The following USP53 variants were observed in gnomAD, a reference collection of about 807,000 sequenced individuals.
USP53 encodes ubiquitin carboxyl-terminal hydrolase 53.
USP53 carries 71 observed loss-of-function variants against 94.9 expected under a neutral mutation model. That is an observed-to-expected ratio of 0.75 (90% CI 0.62 to 0.91). The LOEUF (loss-of-function observed/expected upper bound fraction) is 0.91. Ranked by LOEUF, USP53 falls within the 40% of genes least tolerant of loss-of-function variation. The pLI, the probability that USP53 is intolerant of heterozygous loss-of-function variation, is 0.00. For synonymous variants in USP53, 375 were observed against 422.7 expected, an observed-to-expected ratio of 0.89 and a Z score of 1.39; for missense variants, 1,173 against 1,281.0, an observed-to-expected ratio of 0.92 and a Z score of 1.29.
chr4:119,277,695 T>C (rs1752838820), intron 17 of USP53, among the ~76,000 whole-genome samples: 1 of 147,758 alleles, frequency 6.8e-6, no homozygotes, highest in African/African-American at 2.5e-5. Context: ...ATGTTGACAG[T>C]GGGGGGTTAA....
chr4:119,236,805 T>C (rs1475217163), intron 4 of USP53, among the ~76,000 whole-genome samples: 2 of 152,178 alleles, frequency 1.3e-5, no homozygotes, highest in Non-Finnish European at 1.5e-5. Context: ...TTCATAAGTG[T>C]TGGAATCATT....
Position 119,212,840 on chromosome 4 carries a change from G to A in USP53, c.-975G>A, listed in dbSNP as rs956558805. 4.4e-6 allele frequency: 1 copy of A among 229,086 alleles called. No homozygotes were observed. Among genetic ancestry groups the A allele is most frequent in the Non-Finnish European group, 9.2e-6 (1 of 108,916 alleles). 14.2% of individuals were successfully genotyped at this position (229,086 alleles called of 1,614,324 possible). A position where few individuals can be genotyped will look rare whatever the true frequency, so the allele number is the denominator to read the frequency against. On this transcript the variant is annotated 5_prime_UTR_variant, in exon 1 of 19. Transcript: ENST00000692078. ...AGGCCTGTATTTCTCTACCTGGACC[G>A]CACGCTCCTCGCGCAAGGAGGGTAG... is the stretch of plus-strand genomic sequence containing the variant.
chr4:119,241,760 A>G (rs1379390008), intron 5 of USP53, among the ~76,000 whole-genome samples: 2 of 152,100 alleles, frequency 1.3e-5, no homozygotes, highest in Admixed American at 6.6e-5. Flanking sequence ...ATTTAAATCA[A>G]ATTTGGAAAC....
intron 6 of USP53, among the ~76,000 whole-genome samples, chr4:119,247,225 C>G (rs887945939): frequency 1.3e-5 from 2 of 152,136 alleles, no homozygotes; most frequent in Non-Finnish European, 2.9e-5. Context: ...CTGCCTCTTT[C>G]CTGTGCTTGC....
rs1038818434 is a variant in USP53, at chr4:119,276,391, T to C, written c.2251+2683T>C. On this transcript the variant is annotated intron_variant, in intron 17 of 18. Transcript: ENST00000692078. ...TTTGTCTTTGGCTCTGTTTATATGCTGGATTACATTTATTGATTTGCGTGT... is the reference window on the plus strand; with the variant it reads ...TTTGTCTTTGGCTCTGTTTATATGCCGGATTACATTTATTGATTTGCGTGT... Among the ~76,000 whole-genome samples the C allele has an allele frequency of 7.3e-5, 11 of 150,622 alleles. No individual in the cohort carries two copies. The South Asian group carries it at 1.7e-3, about 23-fold the overall frequency.
At chr4:119,279,865 C>T (rs1008466584) in intron 17 of USP53, among the ~76,000 whole-genome samples, 8 of 152,168 alleles carry the variant, frequency 5.3e-5, no homozygotes, top group Non-Finnish European at 1.2e-4. Context: ...CCCGATTTTC[C>T]AGGTGCGTCC....
At chr4:119,244,565 A>G (rs942574697) in intron 5 of USP53, among the ~76,000 whole-genome samples, 5 of 152,184 alleles carry the variant, frequency 3.3e-5, no homozygotes, top group Non-Finnish European at 2.9e-5. Context: ...CTCTAGAAAC[A>G]TTACATATTA....
At chr4:119,252,408 A>T (rs1749144141) in intron 7 of USP53, among the ~76,000 whole-genome samples, 1 of 152,162 alleles carries the variant, frequency 6.6e-6, no homozygotes, top group African/African-American at 2.4e-5. Context: ...CCTCAATTTC[A>T]GAACCTGTTA....
Position 119,269,739 on chromosome 4 carries a change from G to A in USP53, c.1337G>A (p.Arg446Lys), listed in dbSNP as rs779562210. The change falls in exon 15 of 19, where the codon AGA becomes AAA. Residue 446 changes from arginine (R) to lysine (K), a missense_variant. Transcript: ENST00000692078. The part of the protein sequence containing the change: ...DQREKIKDIS[R>K]ECALKAIEQK... ...AGGGAAAAGATAAAAGACATTTCCAGAGAATGTGCTCTGAAAGCTATTGAA... is the reference window on the plus strand; with the variant it reads ...AGGGAAAAGATAAAAGACATTTCCAAAGAATGTGCTCTGAAAGCTATTGAA... The A allele has an allele frequency of 3.3e-6, 5 of 1,502,730 alleles. No homozygotes were observed. Among genetic ancestry groups the A allele is most frequent in the East Asian group, 5.0e-5 (2 of 40,284 alleles). The allele number at this position is 1,502,730 out of a possible 1,614,324, so 93.1% of individuals were successfully genotyped here.
intron 5 of USP53, among the ~76,000 whole-genome samples, chr4:119,240,751 A>C (rs1189806025): frequency 1.3e-5 from 2 of 152,204 alleles, no homozygotes; most frequent in African/African-American, 4.8e-5. Context: ...TATCTGACTC[A>C]GAGCTGTATT....
Position 119,292,786 on chromosome 4 carries a change from A to G in USP53, c.2797A>G (p.Ser933Gly). 6.2e-7 allele frequency: 1 copy of G among 1,610,492 alleles called. No individual in the cohort carries two copies. Among genetic ancestry groups the G allele is most frequent in the South Asian group, 1.1e-5 (1 of 90,908 alleles). The change falls in exon 19 of 19, where the codon AGT becomes GGT. Residue 933 changes from serine (S) to glycine (G), a missense_variant. By Grantham distance (56) the Ser-to-Gly change is moderately conservative. Coordinates refer to ENST00000692078, the MANE Select transcript of USP53 (RefSeq NM_001371395.1). ...GCCACCAAAGAAATATGCTATAACC[A>G]GTGTGCCACAGTCAGAGAAAAGCGA... is the stretch of plus-strand genomic sequence containing the variant. Reference protein sequence around the residue: ...PLPPKKYAITSVPQSEKSEST... With the variant: ...PLPPKKYAITGVPQSEKSEST...
intron 5 of USP53, among the ~76,000 whole-genome samples, chr4:119,242,541 G>GT (rs1747678530): frequency 6.6e-6 from 1 of 152,118 alleles, no homozygotes; most frequent in Non-Finnish European, 1.5e-5. Flanking sequence ...GCCTCAGACA[G>GT]TTTCCTCATA....
Position 119,271,673 on chromosome 4 carries a change from C to G in USP53, c.1813C>G (p.His605Asp). 1 of 1,613,942 alleles carries G rather than the reference C, an allele frequency of 6.2e-7. No homozygotes were observed. The stretch of plus-strand genomic sequence containing the variant: ...TTTTAGTGAAAGTGAAAAAAGACAG[C>G]ATAGTCCAAGACATAAACCAAATAT... ...SIFSESEKRQ[H>D]SPRHKPNISN... is the part of the protein sequence containing the mutation. The change falls in exon 16 of 19, where the codon CAT becomes GAT. Residue 605 changes from histidine to aspartate, a missense_variant. His to Asp is a moderately conservative substitution (Grantham distance 81). Transcript: ENST00000692078.
intron 17 of USP53, among the ~76,000 whole-genome samples, chr4:119,274,684 A>T (rs1752359702): frequency 7.0e-6 from 1 of 142,790 alleles, no homozygotes; most frequent in South Asian, 2.4e-4. Flanking sequence ...TGACTTCCAC[A>T]AGGGTTGAAC....
At chr4:119,242,195 C>T (rs1381506472) in intron 5 of USP53, among the ~76,000 whole-genome samples, 1 of 152,016 alleles carries the variant, frequency 6.6e-6, no homozygotes, top group East Asian at 1.9e-4. Flanking sequence ...GGGTACATTT[C>T]AGTTACTTTT....
At chr4:119,215,687 C>T (rs895400838) in intron 2 of USP53, among the ~76,000 whole-genome samples, 3 of 151,750 alleles carry the variant, frequency 2.0e-5, no homozygotes, top group African/African-American at 7.3e-5. Flanking sequence ...TCATAGGGGG[C>T]TTCATTAGGC....
At position 119,212,809 on chromosome 4, in the gene USP53, A is replaced by G; in HGVS notation, c.-1006A>G. On this transcript the variant is annotated 5_prime_UTR_variant, in exon 1 of 19. Coordinates refer to ENST00000692078, the MANE Select transcript of USP53 (RefSeq NM_001371395.1). The stretch of plus-strand genomic sequence containing the variant: ...GGCCAGCGGGAGGTAGCTCTGTGGG[A>G]GTGGAAGGCCTGTATTTCTCTACCT... 1 of 285,788 alleles carries G rather than the reference A, an allele frequency of 3.5e-6. No homozygotes were observed. Among genetic ancestry groups the G allele is most frequent in the Non-Finnish European group, 7.1e-6 (1 of 140,088 alleles). 17.7% of individuals were successfully genotyped at this position (285,788 alleles called of 1,614,324 possible). A position where few individuals can be genotyped will look rare whatever the true frequency, so the allele number is the denominator to read the frequency against.
In USP53 at chr4:119,271,872, A is replaced by T; in HGVS notation, c.2012A>T (p.Glu671Val). 1 of 1,613,998 alleles carries T rather than the reference A, an allele frequency of 6.2e-7. No homozygotes were observed. Among genetic ancestry groups the T allele is most frequent in the Non-Finnish European group, 8.5e-7 (1 of 1,179,986 alleles). ...KGAEKNKGLV[E>V]GKVHGDNWQM... is the part of the protein sequence containing the mutation. Reference sequence around the variant, plus strand: ...GCAGAGAAAAATAAAGGCCTTGTAGAGGGTAAAGTGCATGGTGATAATTGG... The same window carrying T: ...GCAGAGAAAAATAAAGGCCTTGTAGTGGGTAAAGTGCATGGTGATAATTGG... Residue 671 changes from glutamate (E) to valine (V), a missense_variant, in exon 16 of 19, where the codon GAG (glutamate) becomes GTG (valine). Coordinates refer to ENST00000692078, the MANE Select transcript of USP53 (RefSeq NM_001371395.1).
At chr4:119,266,272 T>G in intron 12 of USP53, 1 of 456,274 alleles carries the variant, frequency 2.2e-6, no homozygotes, top group Non-Finnish European at 4.4e-6. Flanking sequence ...GAGTAATCTG[T>G]GAACATATTT....
Sources: gnomAD v4.1 joint callset for allele counts (sites outside exome capture counted in the v4.1 genomes callset) on GRCh38, gnomAD v4.1.1 for gene constraint, MANE v1.5 for transcripts, NCBI Gene and HGNC (gene_info 2026-07-23, HGNC 2026-07-21) for gene names.